The following CYB5A variants were observed in gnomAD, a reference collection of about 807,000 sequenced individuals.
CYB5A encodes cytochrome b5.
CYB5A carries 10 observed loss-of-function variants against 16.2 expected under a neutral mutation model. The observed-to-expected ratio is 0.62, with a 90% confidence interval of 0.38 to 1.04. The LOEUF (loss-of-function observed/expected upper bound fraction) is 1.04. Among genes scored for constraint, CYB5A ranks in the 50% least tolerant of loss-of-function variants. CYB5A has a pLI of 0.01. For synonymous variants in CYB5A, 62 were observed against 57.0 expected (o/e 1.09, Z -0.40); for missense variants, 161 against 165.9 (o/e 0.97, Z 0.16).
intron 1 of CYB5A, among the ~76,000 whole-genome samples, chr18:74,283,104 C>G (rs1983181797): frequency 6.6e-6 from 1 of 152,200 alleles, no homozygotes; most frequent in African/African-American, 2.4e-5. Context: ...ACCAGGGCAT[C>G]TGCTCTCAGC....
At chr18:74,271,844 G>C (rs1324690130) in intron 1 of CYB5A, among the ~76,000 whole-genome samples, 1 of 152,200 alleles carries the variant, frequency 6.6e-6, no homozygotes, top group Non-Finnish European at 1.5e-5. Flanking sequence ...CATGCAAGGA[G>C]AGGCCAACAT....
At chr18:74,273,768 C>T (rs1261420152) in intron 1 of CYB5A, among the ~76,000 whole-genome samples, 1 of 152,240 alleles carries the variant, frequency 6.6e-6, no homozygotes, top group African/African-American at 2.4e-5. Flanking sequence ...CAGCTCTACA[C>T]TCACAGCTCC....
intron 1 of CYB5A, among the ~76,000 whole-genome samples, chr18:74,280,430 T>C (rs1177926159): frequency 6.6e-6 from 1 of 151,134 alleles, no homozygotes; most frequent in East Asian, 1.9e-4. Context: ...AAAGGGAAAT[T>C]AGCCAGGCAT....
At position 74,256,927 on chromosome 18, in the gene CYB5A, T is replaced by G. The variant is rs1599245162; in HGVS notation, c.289-1152A>C. The G allele has an allele frequency of 8.3e-6, 11 of 1,324,690 alleles. No homozygotes were observed. In the East Asian group the frequency reaches 2.6e-4, roughly 31 times the overall value. 82.1% of individuals were successfully genotyped at this position (1,324,690 alleles called of 1,614,324 possible). A position where few individuals can be genotyped will look rare whatever the true frequency, so the allele number is the denominator to read the frequency against. The stretch of plus-strand genomic sequence containing the variant: ...AATTTATTATCTATTCCAGCAATTT[T>G]AAAATCTTAGCATCTATAAAAAGTA... On this transcript the variant is annotated intron_variant, in intron 3 of 4. Coordinates refer to ENST00000340533, the MANE Select transcript of CYB5A (RefSeq NM_148923.4).
chr18:74,264,356 G>C (rs1316483417), intron 1 of CYB5A, among the ~76,000 whole-genome samples: 1 of 152,076 alleles, frequency 6.6e-6, no homozygotes, highest in African/African-American at 2.4e-5. Context: ...TTTCCATCAG[G>C]CTCTCAAAAT....
intron 1 of CYB5A, among the ~76,000 whole-genome samples, chr18:74,282,578 G>A (rs1983159306): frequency 6.6e-6 from 1 of 152,220 alleles, no homozygotes; most frequent in African/African-American, 2.4e-5. Flanking sequence ...GCATATCACA[G>A]CCGGGAGGGT....
Position 74,252,114 on chromosome 18 carries a change from A to G in CYB5A, c.*1470T>C, listed in dbSNP as rs1981792230. On this transcript the variant is annotated 3_prime_UTR_variant, in exon 5 of 5. Transcript: ENST00000340533. ...AACTACTTGTCAACTTTCAGTGACT[A>G]AAGAAGGCAAAGGCGGTGCATCCTA... 6.6e-6 allele frequency: 1 copy of G among 152,244 alleles called. No homozygotes were observed. Among genetic ancestry groups the G allele is most frequent in the South Asian group, 2.1e-4 (1 of 4,832 alleles). 9.4% of individuals were successfully genotyped at this position (152,244 alleles called of 1,614,324 possible).
At chr18:74,264,530 G>A (rs1338557526) in intron 1 of CYB5A, among the ~76,000 whole-genome samples, 2 of 152,194 alleles carry the variant, frequency 1.3e-5, no homozygotes, top group Admixed American at 6.5e-5. Context: ...CTGCGTGCCG[G>A]CAATGCACGG....
intron 1 of CYB5A, among the ~76,000 whole-genome samples, chr18:74,263,932 T>G (rs1982320446): frequency 6.7e-6 from 1 of 150,304 alleles, no homozygotes. Context: ...AAAAAAAAAT[T>G]TAAAAACAAC....
intron 3 of CYB5A, chr18:74,258,030 T>C (rs757115737): frequency 6.6e-6 from 1 of 152,250 alleles, no homozygotes; most frequent in African/African-American, 2.4e-5. Flanking sequence ...CAACAAGCTT[T>C]TGTGAATCAG....
intron 3 of CYB5A, chr18:74,256,158 C>A: frequency 5.3e-6 from 1 of 187,774 alleles, no homozygotes; most frequent in Non-Finnish European, 1.1e-5. Context: ...AAAGCATGAA[C>A]ACAATGTTCA....
At chr18:74,263,044 A>G (rs915495664) in intron 2 of CYB5A, among the ~76,000 whole-genome samples, 1 of 150,310 alleles carries the variant, frequency 6.7e-6, no homozygotes, top group Non-Finnish European at 1.5e-5. Flanking sequence ...AGCTACCAAG[A>G]GGCTGAGGCA....
chr18:74,256,817 G>T lies in CYB5A; in HGVS notation c.289-1042C>A, dbSNP rs8091957. 1,840 of 1,613,526 alleles carry T rather than the reference G, an allele frequency of 1.1e-3. 16 individuals are homozygous for T. The African/African-American group carries it at 0.019, about 17-fold the overall frequency. On this transcript the variant is annotated intron_variant, in intron 3 of 4. Coordinates refer to ENST00000340533, the MANE Select transcript of CYB5A (RefSeq NM_148923.4). Reference sequence around the variant, plus strand: ...AGGGAAAAGCAAGCAAAGCAGTTATGAGACCCACCAACCTTGAAACACCGC... The same window carrying T: ...AGGGAAAAGCAAGCAAAGCAGTTATTAGACCCACCAACCTTGAAACACCGC...
At chr18:74,264,657 G>C (rs1001059371) in intron 1 of CYB5A, among the ~76,000 whole-genome samples, 1 of 152,188 alleles carries the variant, frequency 6.6e-6, no homozygotes, top group Non-Finnish European at 1.5e-5. Context: ...ACACAGTGCT[G>C]CCAGGACACA....
At chr18:74,272,879 G>A (rs1459029070) in intron 1 of CYB5A, among the ~76,000 whole-genome samples, 5 of 152,142 alleles carry the variant, frequency 3.3e-5, no homozygotes, top group African/African-American at 9.7e-5. Context: ...CTGAGATCAC[G>A]CCACTGCACT....
At chr18:74,260,971 T>C (rs757744171) in intron 2 of CYB5A, 27 bp from the exon 3 acceptor site, 9 of 1,602,038 alleles carry the variant, frequency 5.6e-6, no homozygotes, top group African/African-American at 5.4e-5. Flanking sequence ...AGGCACATTA[T>C]GGAATTTAAA....
chr18:74,268,095 C>T (rs1185671342), intron 1 of CYB5A, among the ~76,000 whole-genome samples: 2 of 152,246 alleles, frequency 1.3e-5, no homozygotes, highest in African/African-American at 2.4e-5. Flanking sequence ...AACGTCTCCA[C>T]GTGGCAGCCA....
intron 4 of CYB5A, among the ~76,000 whole-genome samples, chr18:74,255,385 T>G (rs1251401045): frequency 6.6e-6 from 1 of 152,220 alleles, no homozygotes; most frequent in Admixed American, 6.5e-5. Flanking sequence ...CACTAGAGTT[T>G]AAGAAACAGA....
intron 1 of CYB5A, among the ~76,000 whole-genome samples, chr18:74,279,874 A>G (rs1316900286): frequency 6.6e-6 from 1 of 152,228 alleles, no homozygotes; most frequent in East Asian, 1.9e-4. Context: ...AGTCCTTTCT[A>G]TGTGCCAGCA....
Sources: gnomAD v4.1 joint callset for allele counts (sites outside exome capture counted in the v4.1 genomes callset) on GRCh38, gnomAD v4.1.1 for gene constraint, MANE v1.5 for transcripts, NCBI Gene and HGNC (gene_info 2026-07-23, HGNC 2026-07-21) for gene names.